The following NME1 variants were observed in gnomAD, a reference collection of about 807,000 sequenced individuals.
NME1 encodes nucleoside diphosphate kinase A.
NME1 carries 9 observed loss-of-function variants against 17.2 expected under a neutral mutation model. The ratio of observed to expected loss-of-function variants is 0.52; its 90% CI spans 0.32 to 0.92. The LOEUF (loss-of-function observed/expected upper bound fraction) is 0.92, where lower values mean the gene tolerates loss of function less well. Ranked by LOEUF, NME1 falls within the 40% of genes least tolerant of loss-of-function variation. The pLI is 0.04. For missense variants in NME1, 169 were observed against 201.7 expected (o/e 0.84, Z 0.98); for synonymous variants, 72 against 70.8 (o/e 1.02, Z -0.09).
intron 2 of NME1, among the ~76,000 whole-genome samples, chr17:51,158,458 C>CA (rs2049819974): frequency 1.3e-5 from 2 of 152,066 alleles, no homozygotes; most frequent in South Asian, 4.1e-4. Context: ...ACAAAACCAA[C>CA]AAAAAGATAA....
chr17:51,159,956 C>T (rs762032300), intron 2 of NME1, 24 bp from the exon 3 acceptor site: 85 of 1,613,298 alleles, frequency 5.3e-5, no homozygotes, highest in Admixed American at 1.3e-4. Context: ...GGGGGTTATT[C>T]TCATTCTCTG....
chr17:51,153,852 C>A (rs1257047504), intron 1 of NME1, 190 bp downstream of exon 1: 1 of 168,084 alleles, frequency 5.9e-6, no homozygotes, highest in Non-Finnish European at 1.3e-5. Flanking sequence ...CACGTGGACT[C>A]GCCTTTGTCG....
intron 4 of NME1, 148 bp from the exon 5 acceptor site, chr17:51,161,580 T>G (rs758352163): frequency 2.6e-6 from 2 of 765,700 alleles, no homozygotes; most frequent in Non-Finnish European, 4.6e-6. Flanking sequence ...CAGCCTTAAG[T>G]GAATGGCCAT....
intron 3 of NME1, chr17:51,160,610 C>CTT (rs1161137953): frequency 2.8e-3 from 519 of 183,002 alleles, no homozygotes; most frequent in South Asian, 7.3e-3. Flanking sequence ...CTTGGCATTT[C>CTT]TTTTTTTTTT....
intron 2 of NME1, 144 bp from the exon 3 acceptor site, chr17:51,159,836 T>G: frequency 1.1e-6 from 1 of 869,658 alleles, no homozygotes; most frequent in South Asian, 1.4e-5. Flanking sequence ...TCCCTTCCAG[T>G]GTGGAGAATG....
At chr17:51,154,608 A>C (rs1465550784) in intron 1 of NME1, among the ~76,000 whole-genome samples, 1 of 152,154 alleles carries the variant, frequency 6.6e-6, no homozygotes, top group East Asian at 1.9e-4. Context: ...TGCATTGTAA[A>C]GTGTAGCATA....
At chr17:51,160,736 A>G (rs1471281774) in intron 3 of NME1, 8 of 322,576 alleles carry the variant, frequency 2.5e-5, no homozygotes, top group Non-Finnish European at 4.7e-5. Flanking sequence ...TAGCCTCCTG[A>G]GTAGCTGGGA....
chr17:51,161,774 A>G lies in NME1; in HGVS notation c.388A>G (p.Ile130Val), dbSNP rs1399878960. ...SDSVESAEKE[I>V]GLWFHPEELV... ...TTCTGTGGAGAGTGCAGAGAAGGAG[A>G]TCGGCTTGTGGTTTCACCCTGAGGA... The change falls in exon 5 of 5, where the codon ATC (isoleucine) becomes GTC (valine). Residue 130 changes from isoleucine to valine, a missense_variant. Ile to Val is a conservative substitution (Grantham distance 29). Coordinates refer to ENST00000393196, the MANE Select transcript of NME1 (RefSeq NM_000269.3). The G allele has an allele frequency of 2.5e-6, 4 of 1,614,130 alleles. No individual in the cohort carries two copies. The East Asian group carries it at 6.7e-5, about 27-fold the overall frequency.
At chr17:51,155,514 T>C in intron 1 of NME1, 137 bp from the exon 2 acceptor site, 1 of 1,252,498 alleles carries the variant, frequency 8.0e-7, no homozygotes, top group South Asian at 1.3e-5. Flanking sequence ...TGGGGAGGAA[T>C]TGGGTTTTTA....
intron 1 of NME1, chr17:51,154,203 C>A: frequency 2.6e-5 from 13 of 494,084 alleles, no homozygotes; most frequent in East Asian, 3.4e-5. Context: ...AAATGATTTT[C>A]TTTGCTCCTA....
chr17:51,160,107 C>G (rs1305167461), intron 3 of NME1, 26 bp downstream of exon 3: 1 of 1,608,056 alleles, frequency 6.2e-7, no homozygotes, highest in Admixed American at 1.7e-5. Flanking sequence ...TGGGATACTC[C>G]AAGTATGCAT....
chr17:51,161,216 C>G lies in NME1; in HGVS notation c.285C>G (p.Asn95Lys). ...GCCGAGTCATGCTCGGGGAGACCAA[C>G]CCTGCAGACTCCAAGCCTGGGACCA... ...KTGRVMLGET[N>K]PADSKPGTIR... The change falls in exon 4 of 5, where the codon AAC (asparagine) becomes AAG (lysine). Residue 95 changes from asparagine to lysine, a missense_variant. Asn to Lys is a moderately conservative substitution (Grantham distance 94, BLOSUM62 0). Coordinates refer to ENST00000393196, the MANE Select transcript of NME1 (RefSeq NM_000269.3). 6.2e-7 allele frequency: 1 copy of G among 1,613,112 alleles called. No homozygotes were observed. The highest frequency in any genetic ancestry group is 8.5e-7 in the Non-Finnish European group (1 of 1,179,696).
At chr17:51,155,368 G>T (rs960476156) in intron 1 of NME1, among the ~76,000 whole-genome samples, 11 of 152,108 alleles carry the variant, frequency 7.2e-5, no homozygotes, top group African/African-American at 2.7e-4. Flanking sequence ...GGGCAACATA[G>T]CGAAACCCCA....
intron 2 of NME1, among the ~76,000 whole-genome samples, chr17:51,158,490 A>T (rs957285414): frequency 6.6e-6 from 1 of 152,232 alleles, no homozygotes; most frequent in Non-Finnish European, 1.5e-5. Context: ...TAATAGAATT[A>T]AAAAAGTATT....
In NME1 at chr17:51,154,137, T is replaced by G. The variant is rs564364914; in HGVS notation, c.-5+475T>G. On this transcript the variant is annotated intron_variant, in intron 1 of 4. Coordinates refer to ENST00000393196, the MANE Select transcript of NME1 (RefSeq NM_000269.3). Reference sequence around the variant, plus strand: ...CACCCCATCGTGCGATTCTCCGCAGTCTTTGGGCTTTGTCTCTCTCTCTTT... The same window carrying G: ...CACCCCATCGTGCGATTCTCCGCAGGCTTTGGGCTTTGTCTCTCTCTCTTT... 3 of 525,918 alleles carry G rather than the reference T, an allele frequency of 5.7e-6. No individual in the cohort carries two copies. In the East Asian group the frequency reaches 9.8e-5, roughly 17 times the overall value. 32.6% of individuals were successfully genotyped at this position (525,918 alleles called of 1,614,324 possible). A position where few individuals can be genotyped will look rare whatever the true frequency, so the allele number is the denominator to read the frequency against.
At position 51,153,652 on chromosome 17, in the gene NME1, C is replaced by T. The variant is rs532897715; in HGVS notation, c.-15C>T. 3.9e-5 allele frequency: 6 copies of T among 152,820 alleles called. No individual in the cohort carries two copies. The highest frequency in any genetic ancestry group is 3.3e-4 in the Admixed American group (5 of 15,312). The allele number at this position is 152,820 out of a possible 1,614,324, so 9.5% of individuals were successfully genotyped here. On this transcript the variant is annotated 5_prime_UTR_variant, in exon 1 of 5. Transcript: ENST00000393196. ...GCTGCAGCCGGAGTTCAAACCTAAGCAGCTGGAAGGGTAAGAGGTGTTCGG... is the reference window on the plus strand; with the variant it reads ...GCTGCAGCCGGAGTTCAAACCTAAGTAGCTGGAAGGGTAAGAGGTGTTCGG...
chr17:51,161,411 G>C, intron 4 of NME1, 139 bp downstream of exon 4: 1 of 907,994 alleles, frequency 1.1e-6, no homozygotes, highest in African/African-American at 1.6e-5. Flanking sequence ...TCCCTCTTAA[G>C]TTGGCGTTTG....
intron 1 of NME1, chr17:51,154,289 C>A: frequency 7.9e-7 from 1 of 1,258,016 alleles, no homozygotes; most frequent in Non-Finnish European, 1.2e-6. Context: ...GCAGGGGAGG[C>A]AGACACACAA....
intron 2 of NME1, among the ~76,000 whole-genome samples, chr17:51,157,156 G>A (rs1337887779): frequency 1.3e-5 from 2 of 151,762 alleles, no homozygotes; most frequent in East Asian, 3.9e-4. Flanking sequence ...CTGCTTTAGG[G>A]CTGGCACAGT....
Sources: gnomAD v4.1 joint callset for allele counts (sites outside exome capture counted in the v4.1 genomes callset) on GRCh38, gnomAD v4.1.1 for gene constraint, MANE v1.5 for transcripts, NCBI Gene and HGNC (gene_info 2026-07-23, HGNC 2026-07-21) for gene names.